Variants in SOX5 observed in about 807,000 individuals in gnomAD.
SOX5 encodes transcription factor SOX-5.
A neutral mutation model predicts 92.0 loss-of-function variants in SOX5; 9 were observed. The observed-to-expected ratio is 0.10, with a 90% CI of 0.06 to 0.17. The LOEUF (loss-of-function observed/expected upper bound fraction) is 0.17, where lower values mean the gene tolerates loss of function less well. SOX5 is among the 10% of genes least tolerant of loss of function. SOX5 has a pLI of 1.00. For synonymous variants in SOX5, 344 were observed against 336.3 expected (o/e 1.02, Z -0.25); for missense variants, 642 against 944.5 (o/e 0.68, Z 4.20).
At chr12:24,558,638 T>C (rs746357765) in intron 1 of SOX5, among the ~76,000 whole-genome samples, 63 of 152,312 alleles carry the variant, frequency 4.1e-4, no homozygotes, top group Middle Eastern at 3.4e-3. Flanking sequence ...CTTTACTCCT[T>C]TATTAATGGC....
intron 1 of SOX5, among the ~76,000 whole-genome samples, chr12:24,492,506 CAAT>C (rs1947196604): frequency 6.6e-6 from 1 of 152,036 alleles, no homozygotes; most frequent in East Asian, 1.9e-4. Context: ...GGCACAATAC[CAAT>C]AATGATCCTG....
At chr12:23,683,760 T>C (rs776371374) in intron 6 of SOX5, among the ~76,000 whole-genome samples, 9 of 152,188 alleles carry the variant, frequency 5.9e-5, no homozygotes, top group Admixed American at 3.9e-4. Flanking sequence ...CTTGACATTT[T>C]GTATGCATCT....
At chr12:23,782,170 A>G (rs537311837) in intron 3 of SOX5, among the ~76,000 whole-genome samples, 1 of 152,176 alleles carries the variant, frequency 6.6e-6, no homozygotes, top group South Asian at 2.1e-4. Context: ...CAAACTATAG[A>G]GCTATAAGTA....
At chr12:24,133,725 G>A (rs11047276) in intron 4 of SOX5, among the ~76,000 whole-genome samples, 7,778 of 152,190 alleles carry the variant, frequency 0.051, 249 homozygotes, top group Middle Eastern at 0.092. Flanking sequence ...TCCTCTCCCC[G>A]ACTGGTCCAG....
At chr12:23,635,854 T>G (rs1451273955) in intron 8 of SOX5, among the ~76,000 whole-genome samples, 1 of 152,092 alleles carries the variant, frequency 6.6e-6, no homozygotes, top group Non-Finnish European at 1.5e-5. Context: ...GTGGATAGAT[T>G]CTTGGTGTAT....
chr12:23,538,502 T>G (rs780129562), intron 13 of SOX5, among the ~76,000 whole-genome samples: 5 of 152,322 alleles, frequency 3.3e-5, no homozygotes, highest in Non-Finnish European at 7.3e-5. Context: ...AATCTCAAAC[T>G]CCTTGTTGGC....
chr12:23,800,185 A>G (rs943350005), intron 3 of SOX5, among the ~76,000 whole-genome samples: 78 of 152,268 alleles, frequency 5.1e-4, no homozygotes, highest in Middle Eastern at 3.4e-3. Flanking sequence ...AAAGAAGAAT[A>G]TTTTACAATA....
At chr12:23,555,197 A>T (rs942190156) in intron 11 of SOX5, among the ~76,000 whole-genome samples, 3 of 152,290 alleles carry the variant, frequency 2.0e-5, no homozygotes, top group South Asian at 4.1e-4. Context: ...TAATATACTT[A>T]AAAAAATCAA....
intron 4 of SOX5, among the ~76,000 whole-genome samples, chr12:24,147,734 AAAC>A (rs1165915079): frequency 1.3e-5 from 2 of 152,200 alleles, no homozygotes; most frequent in Non-Finnish European, 2.9e-5. Context: ...TAAGATCAAT[AAAC>A]AACAATTAGC....
intron 2 of SOX5, among the ~76,000 whole-genome samples, chr12:24,317,179 T>C (rs938771757): frequency 2.6e-5 from 4 of 152,226 alleles, no homozygotes; most frequent in Non-Finnish European, 4.4e-5. Context: ...CTATAAAATA[T>C]GCTCTAAGTA....
intron 1 of SOX5, among the ~76,000 whole-genome samples, chr12:24,441,545 GA>G (rs1420165645): frequency 3.9e-5 from 6 of 152,152 alleles, no homozygotes; most frequent in Non-Finnish European, 8.8e-5. Flanking sequence ...CCAAAGTGTT[GA>G]TTTTTTTTCC....
intron 1 of SOX5, among the ~76,000 whole-genome samples, chr12:24,428,890 G>A (rs1334046338): frequency 6.6e-6 from 1 of 152,040 alleles, no homozygotes; most frequent in Non-Finnish European, 1.5e-5. Flanking sequence ...GCCTGACTGA[G>A]TTCAAATACC....
intron 4 of SOX5, among the ~76,000 whole-genome samples, chr12:24,162,457 T>A (rs35631167): frequency 0.27 from 41,328 of 151,914 alleles, 6,668 homozygotes; most frequent in East Asian, 0.83. Flanking sequence ...GGTCCATAAC[T>A]ATTGGCACAG....
At chr12:24,138,477 G>A (rs1950294097) in intron 4 of SOX5, among the ~76,000 whole-genome samples, 1 of 152,204 alleles carries the variant, frequency 6.6e-6, no homozygotes, top group South Asian at 2.1e-4. Flanking sequence ...ATAGCCAGTG[G>A]TGTTTTGGTT....
intron 3 of SOX5, among the ~76,000 whole-genome samples, chr12:23,763,019 G>A (rs2094607957): frequency 6.6e-6 from 1 of 152,052 alleles, no homozygotes; most frequent in Admixed American, 6.6e-5. Flanking sequence ...TTAAATCCCA[G>A]CATTTCAACA....
chr12:23,569,186 T>C (rs1947698924), intron 10 of SOX5, among the ~76,000 whole-genome samples: 1 of 152,202 alleles, frequency 6.6e-6, no homozygotes, highest in Admixed American at 6.5e-5. Context: ...AGCAAGACTC[T>C]GTCTAAAGAC....
intron 3 of SOX5, among the ~76,000 whole-genome samples, chr12:23,792,500 G>A (rs2095491402): frequency 6.6e-6 from 1 of 151,360 alleles, no homozygotes; most frequent in African/African-American, 2.4e-5. Context: ...GTGCATGCCT[G>A]TAATCCCAGC....
chr12:24,449,705 TA>T (rs886888151), intron 1 of SOX5, among the ~76,000 whole-genome samples: 58 of 152,232 alleles, frequency 3.8e-4, no homozygotes, highest in African/African-American at 1.3e-3. Context: ...TTATCTGACT[TA>T]AAATCTTCTA....
intron 8 of SOX5, among the ~76,000 whole-genome samples, chr12:23,625,970 C>T (rs1271693085): frequency 6.6e-6 from 1 of 151,316 alleles, no homozygotes; most frequent in African/African-American, 2.4e-5. Context: ...AGAATAAAAA[C>T]ATAGCTAGAA....
Sources: allele counts gnomAD v4.1 joint callset (sites outside exome capture counted in the v4.1 genomes callset), GRCh38; gene constraint gnomAD v4.1.1; transcripts MANE v1.5; gene names NCBI Gene and HGNC (gene_info 2026-07-23, HGNC 2026-07-21).